The following TIAM2 variants were observed in gnomAD, a reference collection of about 807,000 sequenced individuals.
TIAM2 encodes the protein rho guanine nucleotide exchange factor TIAM2.
In TIAM2, 80 loss-of-function variants were observed where a neutral mutation model predicts 152.9. That is an observed-to-expected ratio of 0.52 (90% CI 0.44 to 0.63). The LOEUF is 0.63. TIAM2 is among the 30% of genes least tolerant of loss of function. The probability of loss-of-function intolerance (pLI) is 0.00; values close to 1 mark genes in which losing one functional copy is unlikely to be tolerated. For synonymous variants in TIAM2, 804 were observed against 838.0 expected, an observed-to-expected ratio of 0.96 and a Z score of 0.70; for missense variants, 1,965 against 2,120.1, an observed-to-expected ratio of 0.93 and a Z score of 1.44.
At chr6:155,175,727 T>C (rs1339775508) in intron 9 of TIAM2, among the ~76,000 whole-genome samples, 1 of 152,236 alleles carries the variant, frequency 6.6e-6, no homozygotes, top group Non-Finnish European at 1.5e-5. Context: ...GAGAAACATG[T>C]CTACATCGCT....
At chr6:155,248,417 G>A (rs910560265) in intron 20 of TIAM2, among the ~76,000 whole-genome samples, 6 of 152,208 alleles carry the variant, frequency 3.9e-5, no homozygotes, top group African/African-American at 1.4e-4. Context: ...TCCGGGTAGC[G>A]CCATACTCCT....
Position 155,129,728 on chromosome 6 carries a change from C to G in TIAM2, c.505C>G (p.Leu169Val). 6.2e-7 allele frequency: 1 copy of G among 1,613,996 alleles called. No individual in the cohort carries two copies. Among genetic ancestry groups the G allele is most frequent in the Non-Finnish European group, 8.5e-7 (1 of 1,180,028 alleles). Residue 169 changes from leucine to valine, a missense_variant, in exon 4 of 27, where the codon CTG becomes GTG. Physicochemically the swap from Leu to Val is conservative, Grantham distance 32. Coordinates refer to ENST00000682666, the MANE Select transcript of TIAM2 (RefSeq NM_012454.4). This position sits in a 1 kb window ranked among gnomAD's most constrained non-coding sequence, Gnocchi z 4.8. Reference protein sequence around the residue: ...PRVLIKTLGKLDGCLRVEFHN... With the variant: ...PRVLIKTLGKVDGCLRVEFHN... ...AGTGCTCATCAAAACGCTGGGGAAG[C>G]TGGATGGGTGTTTAAGGGTCGAGTT... is the stretch of plus-strand genomic sequence containing the variant.
chr6:155,243,482 A>T (rs1437701817), intron 16 of TIAM2, among the ~76,000 whole-genome samples: 2 of 152,226 alleles, frequency 1.3e-5, no homozygotes, highest in African/African-American at 4.8e-5. Flanking sequence ...TGTGGAATCC[A>T]GCTGTTGCCT....
intron 5 of TIAM2, among the ~76,000 whole-genome samples, chr6:155,140,193 T>C (rs1311167241): frequency 3.3e-5 from 5 of 152,154 alleles, no homozygotes; most frequent in South Asian, 4.1e-4. Flanking sequence ...GCTGGTTGTT[T>C]CCCTCCTTGT....
intron 1 of TIAM2, among the ~76,000 whole-genome samples, chr6:155,029,582 AAC>A (rs1776774628): frequency 1.2e-5 from 1 of 86,570 alleles, no homozygotes; most frequent in Non-Finnish European, 2.2e-5. Context: ...TAGTATATAT[AAC>A]TATATAGTAT....
chr6:155,251,856 G>T, intron 22 of TIAM2, 89 bp from the exon 23 acceptor site: 1 of 1,007,516 alleles, frequency 9.9e-7, no homozygotes, highest in Non-Finnish European at 1.5e-6. Context: ...CGTTTGGAGA[G>T]TGTTACTCTG....
At chr6:155,074,387 C>G (rs1488579830) in intron 1 of TIAM2, among the ~76,000 whole-genome samples, 1 of 151,840 alleles carries the variant, frequency 6.6e-6, no homozygotes, top group Non-Finnish European at 1.5e-5. Context: ...GAGTCTCGCT[C>G]AGTCGCCCAG....
At position 155,254,419 on chromosome 6, in the gene TIAM2, T is replaced by C; in HGVS notation, c.4314T>C (p.Ser1438=). Residue 1438 remains serine, a splice_region_variant and synonymous_variant, in exon 26 of 27, where the codon AGT becomes AGC. Coordinates refer to ENST00000682666, the MANE Select transcript of TIAM2 (RefSeq NM_012454.4). ...CTGTTTTCTCTCCCCCCCCACCCAG[T>C]GACAGTGAAAGCAAAACCAACATTG... ...RPETIFQLCC[S]DSESKTNIVK... The C allele has an allele frequency of 6.2e-7, 1 of 1,610,296 alleles. No individual in the cohort carries two copies. Among genetic ancestry groups the C allele is most frequent in the South Asian group, 1.1e-5 (1 of 90,990 alleles).
chr6:155,029,450 A>ATATACTC lies in TIAM2; in HGVS notation c.-209+33962_-209+33963insCTCTATA, dbSNP rs1776756412. On this transcript the variant is annotated intron_variant, in intron 1 of 26. Coordinates refer to ENST00000682666, the MANE Select transcript of TIAM2 (RefSeq NM_012454.4). Reference sequence around the variant, plus strand: ...ACTATAGTATATATTATACTATAGTATATATTATATATAATATATACTATA... The same window carrying ATATACTC: ...ACTATAGTATATATTATACTATAGTATATACTCTATATTATATATAATATATACTATA... Among the ~76,000 whole-genome samples, 23 of 43,922 alleles carry ATATACTC rather than the reference A, an allele frequency of 5.2e-4. 2 individuals are homozygous for ATATACTC. Among genetic ancestry groups the ATATACTC allele is most frequent in the African/African-American group, 2.5e-3 (23 of 9,204 alleles). The allele number at this position is 43,922 out of a possible 152,430, so 28.8% of individuals were successfully genotyped here. A position where few individuals can be genotyped will look rare whatever the true frequency, so the allele number is the denominator to read the frequency against.
chr6:155,118,159 C>T (rs1318037980), intron 2 of TIAM2, among the ~76,000 whole-genome samples: 2 of 152,128 alleles, frequency 1.3e-5, no homozygotes, highest in Non-Finnish European at 2.9e-5. Context: ...TCCAAGATTC[C>T]CTTAGCTTCC....
At chr6:155,250,393 T>C (rs1783580499) in intron 21 of TIAM2, 1 of 584,998 alleles carries the variant, frequency 1.7e-6, no homozygotes, top group Non-Finnish European at 2.8e-6. Context: ...TTCCTTTTTA[T>C]CTGATTGCTT....
In TIAM2 at chr6:155,248,122, C is replaced by T; in HGVS notation, c.3775C>T (p.Leu1259Phe). 4 of 1,614,168 alleles carry T rather than the reference C, an allele frequency of 2.5e-6. No individual in the cohort carries two copies. Among genetic ancestry groups the T allele is most frequent in the Non-Finnish European group, 2.5e-6 (3 of 1,180,032 alleles). The change falls in exon 20 of 27, where the codon CTC (leucine) becomes TTC (phenylalanine). Residue 1259 changes from leucine to phenylalanine, a missense_variant. Physicochemically the swap from Leu to Phe is conservative, Grantham distance 22. Around this residue, in one of 3 missense-constraint regions of TIAM2, gnomAD observed 935 missense variants for 980.0 expected, o/e 0.95. Coordinates refer to ENST00000682666, the MANE Select transcript of TIAM2 (RefSeq NM_012454.4). ...VQRVLKYPLL[L>F]KELVSLTDQE... ...GAGAGTGCTCAAGTACCCGCTGCTG[C>T]TCAAGGAGCTGGTGTCCCTGACGGA...
rs371422087 is a variant in TIAM2, at chr6:155,241,321, A to C, written c.3348+612A>C. The stretch of plus-strand genomic sequence containing the variant: ...AAGAATACTGGAGCCTGGGGAGCAG[A>C]GTTCTTTTGCTTTGTTTCCTGGAGC... On this transcript the variant is annotated intron_variant, in intron 16 of 26. Transcript: ENST00000682666. Among the ~76,000 whole-genome samples the C allele has an allele frequency of 4.6e-5, 7 of 152,306 alleles. No individual in the cohort carries two copies. In the East Asian group the frequency reaches 1.2e-3, roughly 25 times the overall value.
intron 1 of TIAM2, among the ~76,000 whole-genome samples, chr6:155,072,319 C>T (rs1475052190): frequency 6.6e-6 from 1 of 152,140 alleles, no homozygotes; most frequent in South Asian, 2.1e-4. Flanking sequence ...TAGGAAACAA[C>T]CGAGGCATCG....
At chr6:155,241,041 T>C (rs6926853) in intron 16 of TIAM2, among the ~76,000 whole-genome samples, 10,580 of 152,226 alleles carry the variant, frequency 0.07, 493 homozygotes, top group East Asian at 0.19. Flanking sequence ...TCACTTTAGG[T>C]GATGAGGAAC....
intron 15 of TIAM2, among the ~76,000 whole-genome samples, chr6:155,212,073 T>C (rs978545555): frequency 2.0e-5 from 3 of 152,228 alleles, no homozygotes; most frequent in African/African-American, 7.2e-5. Flanking sequence ...CTGAGTAATA[T>C]TCCATTATAC....
chr6:155,143,492 T>A (rs1238319636), intron 5 of TIAM2, among the ~76,000 whole-genome samples: 1 of 151,102 alleles, frequency 6.6e-6, no homozygotes. Flanking sequence ...CTTTTCTCCC[T>A]TAGCCTAAGT....
chr6:155,087,886 C>G (rs1312987221), intron 1 of TIAM2, among the ~76,000 whole-genome samples: 1 of 152,188 alleles, frequency 6.6e-6, no homozygotes, highest in East Asian at 1.9e-4. Context: ...TAACAAATCT[C>G]TGAACTAATT....
rs150782443 is a variant in TIAM2 at position 155,066,901 on chromosome 6, A to G, written c.-208-23388A>G. ...CTCCTGAATAGCTGGGATTACAGGC[A>G]CCTACCATCACGCCTGGCTAATTTT... On this transcript the variant is annotated intron_variant, in intron 1 of 26. Transcript: ENST00000682666. Among the ~76,000 whole-genome samples the G allele has an allele frequency of 8.4e-3, 1,279 of 152,154 alleles. 23 individuals carry two copies. Among genetic ancestry groups the G allele is most frequent in the African/African-American group, 0.029 (1,219 of 41,518 alleles).
Sources: gnomAD v4.1 joint callset for allele counts (sites outside exome capture counted in the v4.1 genomes callset) on GRCh38, gnomAD v4.1.1 for gene constraint, gnomAD v4.1.1 regional missense constraint, Gnocchi (gnomAD v3.1) non-coding constraint, MANE v1.5 for transcripts, NCBI Gene and HGNC (gene_info 2026-07-23, HGNC 2026-07-21) for gene names.